The following SAMHD1 variants were observed in gnomAD, a reference collection of about 807,000 sequenced individuals.
The protein encoded by SAMHD1 is deoxynucleoside triphosphate triphosphohydrolase SAMHD1.
SAMHD1 carries 54 observed loss-of-function variants against 79.6 expected under a neutral mutation model. That is an observed-to-expected ratio of 0.68 (90% CI 0.55 to 0.85). The LOEUF (loss-of-function observed/expected upper bound fraction) is 0.85. Among genes scored for constraint, SAMHD1 ranks in the 40% least tolerant of loss-of-function variants. The pLI, the probability that SAMHD1 is intolerant of heterozygous loss-of-function variation, is 0.00. For synonymous variants in SAMHD1, 260 were observed against 264.1 expected (o/e 0.98, Z 0.15); for missense variants, 663 against 782.7 (o/e 0.85, Z 1.82).
chr20:36,896,827 T>G (rs780774679), intron 15 of SAMHD1, among the ~76,000 whole-genome samples: 3 of 150,968 alleles, frequency 2.0e-5, no homozygotes, highest in Non-Finnish European at 4.4e-5. Flanking sequence ...AAAGCAAGAC[T>G]CCATCTCAAA....
intron 3 of SAMHD1, among the ~76,000 whole-genome samples, chr20:36,936,445 C>G (rs562473754): frequency 2.6e-5 from 4 of 152,090 alleles, no homozygotes. Context: ...CTCAGCCTCC[C>G]AAATAGCTGG....
intron 6 of SAMHD1, among the ~76,000 whole-genome samples, chr20:36,921,454 A>G (rs538407573): frequency 2.4e-4 from 36 of 151,834 alleles, no homozygotes; most frequent in African/African-American, 8.7e-4. Context: ...GAGGAAAAAT[A>G]GTAACTTTAT....
At chr20:36,924,943 G>C (rs1037497537) in intron 6 of SAMHD1, among the ~76,000 whole-genome samples, 1 of 151,984 alleles carries the variant, frequency 6.6e-6, no homozygotes, top group Non-Finnish European at 1.5e-5. Context: ...TGGATCATGA[G>C]ATCAGGAGTT....
At chr20:36,896,654 A>G (rs965003392) in intron 15 of SAMHD1, among the ~76,000 whole-genome samples, 3 of 151,788 alleles carry the variant, frequency 2.0e-5, no homozygotes, top group Non-Finnish European at 4.4e-5. Flanking sequence ...GGCCAACATA[A>G]TGAAACCCCA....
At chr20:36,933,277 T>C (rs1317895247) in intron 4 of SAMHD1, among the ~76,000 whole-genome samples, 1 of 152,166 alleles carries the variant, frequency 6.6e-6, no homozygotes, top group Non-Finnish European at 1.5e-5. Context: ...CACTGCATAA[T>C]GGAAATGCAG....
At chr20:36,943,028 T>C (rs752425499) in intron 2 of SAMHD1, among the ~76,000 whole-genome samples, 1 of 152,124 alleles carries the variant, frequency 6.6e-6, no homozygotes, top group Non-Finnish European at 1.5e-5. Flanking sequence ...CTAGGAGTGC[T>C]TGTCTAAGCT....
At chr20:36,911,119 A>AAATGAAAAATAAAAG (rs1601124627) in intron 11 of SAMHD1, 99 bp downstream of exon 11, 8 of 701,984 alleles carry the variant, frequency 1.1e-5, no homozygotes, top group Non-Finnish European at 2.0e-5. Flanking sequence ...TTATCTTTAA[A>AAATGAAAAATAAAAG]AATGAAAAAT....
At chr20:36,919,973 GC>G (rs2063495732) in intron 6 of SAMHD1, among the ~76,000 whole-genome samples, 1 of 152,000 alleles carries the variant, frequency 6.6e-6, no homozygotes, top group Non-Finnish European at 1.5e-5. Context: ...TCTCCAATTG[GC>G]CTGTTTGCTC....
chr20:36,948,479 C>T (rs948320992), intron 1 of SAMHD1, among the ~76,000 whole-genome samples: 1 of 151,978 alleles, frequency 6.6e-6, no homozygotes, highest in African/African-American at 2.4e-5. Flanking sequence ...GCTTGAATTC[C>T]TGACCTCAGG....
chr20:36,915,912 C>A (rs571367985), intron 9 of SAMHD1, among the ~76,000 whole-genome samples: 1 of 152,228 alleles, frequency 6.6e-6, no homozygotes, highest in Non-Finnish European at 1.5e-5. Flanking sequence ...GTAATCCCAG[C>A]ACTTTGGGAG....
intron 7 of SAMHD1, among the ~76,000 whole-genome samples, chr20:36,918,524 C>T (rs1377924739): frequency 2.6e-5 from 4 of 151,152 alleles, no homozygotes; most frequent in African/African-American, 7.3e-5. Context: ...TATGGCCGGG[C>T]GCGGTGGCGG....
chr20:36,926,331 A>G (rs933920054), intron 6 of SAMHD1, among the ~76,000 whole-genome samples: 5 of 152,228 alleles, frequency 3.3e-5, no homozygotes, highest in Non-Finnish European at 5.9e-5. Context: ...AAGGCATAAA[A>G]TAGGACCTCC....
intron 1 of SAMHD1, 95 bp downstream of exon 1, chr20:36,951,341 G>C (rs1355153251): frequency 2.1e-5 from 32 of 1,557,524 alleles, no homozygotes; most frequent in Non-Finnish European, 2.5e-5. Flanking sequence ...CTCGCTCCTC[G>C]GCCTCGGTCC....
At chr20:36,925,889 C>A (rs963465307) in intron 6 of SAMHD1, among the ~76,000 whole-genome samples, 1 of 152,082 alleles carries the variant, frequency 6.6e-6, no homozygotes, top group Admixed American at 6.6e-5. Flanking sequence ...ATGGTACAAC[C>A]GCATTGGAAA....
chr20:36,929,180 T>C (rs1285634441), intron 5 of SAMHD1, among the ~76,000 whole-genome samples: 1 of 152,106 alleles, frequency 6.6e-6, no homozygotes, highest in Non-Finnish European at 1.5e-5. Flanking sequence ...CTCAGGCTCC[T>C]GGGGACTGGC....
At chr20:36,938,436 A>T (rs531564983) in intron 3 of SAMHD1, among the ~76,000 whole-genome samples, 1 of 152,222 alleles carries the variant, frequency 6.6e-6, no homozygotes, top group Non-Finnish European at 1.5e-5. Flanking sequence ...GCTACTCAGG[A>T]GGCTGAGGCA....
At chr20:36,894,244 T>TA (rs1491179603) in intron 15 of SAMHD1, 1 of 191,076 alleles carries the variant, frequency 5.2e-6, no homozygotes, top group Non-Finnish European at 1.0e-5. Context: ...AATGTGTTAT[T>TA]ATTTTTTTTT....
Position 36,916,850 on chromosome 20 carries a change from G to T in SAMHD1, c.954-20C>A. ...CAGTCCCTAGAAGGATTCCAAAACA[G>T]AGAGATGAAATTTTTCAACAAGGAA... On this transcript the variant is annotated intron_variant, in intron 8 of 15. Coordinates refer to ENST00000646673, the MANE Select transcript of SAMHD1 (RefSeq NM_015474.4). The T allele has an allele frequency of 6.2e-7, 1 of 1,606,092 alleles. No individual in the cohort carries two copies. Among genetic ancestry groups the T allele is most frequent in the Non-Finnish European group, 8.5e-7 (1 of 1,172,710 alleles).
intron 7 of SAMHD1, among the ~76,000 whole-genome samples, chr20:36,918,801 C>CAAAAAAAAAAAAAAA (rs60403097): frequency 6.1e-5 from 4 of 65,454 alleles, no homozygotes; most frequent in Non-Finnish European, 8.1e-5. Flanking sequence ...GACTCTATCT[C>CAAAAAAAAAAAAAAA]AAAAAAAAAA....
Sources: allele counts gnomAD v4.1 joint callset (sites outside exome capture counted in the v4.1 genomes callset), GRCh38; gene constraint gnomAD v4.1.1; transcripts MANE v1.5; gene names NCBI Gene and HGNC (gene_info 2026-07-23, HGNC 2026-07-21).